ARHGEF3: variants seen among roughly 807,000 people sequenced by gnomAD.
ARHGEF3 encodes the protein 59.8 kDA protein.
ARHGEF3 carries 28 observed loss-of-function variants against 63.2 expected under a neutral mutation model. The observed-to-expected ratio is 0.44, with a 90% confidence interval of 0.33 to 0.61. ARHGEF3 has a LOEUF of 0.61. Among genes scored for constraint, ARHGEF3 ranks in the 20% least tolerant of loss-of-function variants. ARHGEF3 has a pLI of 0.03. For synonymous variants in ARHGEF3, 266 were observed against 254.2 expected (o/e 1.05, Z -0.44); for missense variants, 533 against 659.3 (o/e 0.81, Z 2.10).
intron 1 of ARHGEF3, among the ~76,000 whole-genome samples, chr3:56,793,670 TTTTTC>T (rs2037206934): frequency 1.3e-5 from 2 of 152,252 alleles, no homozygotes; most frequent in African/African-American, 4.8e-5. Flanking sequence ...TATTATTGCC[TTTTTC>T]ATTTCTATAA....
At chr3:56,832,899 C>T (rs573058945) in intron 4 of ARHGEF3, among the ~76,000 whole-genome samples, 1 of 152,306 alleles carries the variant, frequency 6.6e-6, no homozygotes, top group South Asian at 2.1e-4. Flanking sequence ...TTGTTTCTCA[C>T]TTATTTTGCT....
chr3:56,808,719 G>T (rs1482214096), intron 4 of ARHGEF3, among the ~76,000 whole-genome samples: 1 of 152,066 alleles, frequency 6.6e-6, no homozygotes, highest in East Asian at 1.9e-4. Context: ...GCTAGCCTCT[G>T]GTTCATAAGA....
At chr3:56,847,296 T>G (rs550334944) in intron 4 of ARHGEF3, among the ~76,000 whole-genome samples, 1 of 152,174 alleles carries the variant, frequency 6.6e-6, no homozygotes, top group African/African-American at 2.4e-5. Context: ...TTCAACCAAA[T>G]TGAGGCATAA....
chr3:57,044,604 T>C (rs1704366128), intron 1 of ARHGEF3, among the ~76,000 whole-genome samples: 1 of 152,206 alleles, frequency 6.6e-6, no homozygotes, highest in East Asian at 1.9e-4. Context: ...ATTACATGGA[T>C]AGACTGAGTA....
At chr3:57,076,219 C>A (rs1002518857) in intron 1 of ARHGEF3, among the ~76,000 whole-genome samples, 1 of 151,500 alleles carries the variant, frequency 6.6e-6, no homozygotes, top group South Asian at 2.1e-4. Flanking sequence ...GTTACAGGAG[C>A]CTGAACAATA....
chr3:56,981,425 G>A (rs1158351807), intron 2 of ARHGEF3, among the ~76,000 whole-genome samples: 1 of 152,194 alleles, frequency 6.6e-6, no homozygotes, highest in Non-Finnish European at 1.5e-5. Flanking sequence ...AGGCAGAGGT[G>A]TAGGTAGGTG....
At chr3:56,866,975 T>G (rs1016084964) in intron 4 of ARHGEF3, among the ~76,000 whole-genome samples, 1 of 152,254 alleles carries the variant, frequency 6.6e-6, no homozygotes, top group African/African-American at 2.4e-5. Flanking sequence ...ATTCCTTCTA[T>G]CCTCTTGTCT....
intron 1 of ARHGEF3, chr3:56,775,820 A>ACT (rs2036258891): frequency 3.4e-5 from 11 of 320,220 alleles, no homozygotes; most frequent in Admixed American, 6.5e-5. Flanking sequence ...ACACACACAC[A>ACT]CTGCCTCTTA....
intron 4 of ARHGEF3, among the ~76,000 whole-genome samples, chr3:56,869,743 C>A (rs909620473): frequency 1.1e-4 from 16 of 151,986 alleles, no homozygotes; most frequent in Admixed American, 9.8e-4. Flanking sequence ...GCATGGAAGC[C>A]CAGATGAAAC....
At chr3:56,925,197 C>T (rs535824916) in intron 3 of ARHGEF3, among the ~76,000 whole-genome samples, 1 of 152,330 alleles carries the variant, frequency 6.6e-6, no homozygotes, top group South Asian at 2.1e-4. Flanking sequence ...GACTGGGTAG[C>T]CACAGCCTAC....
intron 4 of ARHGEF3, among the ~76,000 whole-genome samples, chr3:56,843,263 A>AT (rs1194659193): frequency 1.3e-5 from 2 of 151,702 alleles, no homozygotes; most frequent in African/African-American, 4.8e-5. Context: ...CTCCATTTTT[A>AT]TTTTTTATTT....
intron 3 of ARHGEF3, among the ~76,000 whole-genome samples, chr3:56,949,590 T>G (rs1456359848): frequency 6.6e-6 from 1 of 152,002 alleles, no homozygotes; most frequent in Non-Finnish European, 1.5e-5. Context: ...GAAGGACCTC[T>G]TCAAGGAGAA....
At chr3:57,002,213 C>CA (rs2107029712) in intron 2 of ARHGEF3, among the ~76,000 whole-genome samples, 1 of 150,908 alleles carries the variant, frequency 6.6e-6, no homozygotes, top group South Asian at 2.1e-4. Context: ...GCCCGGCTGA[C>CA]ATAGTATTTT....
chr3:56,932,653 T>C (rs2042444916), intron 3 of ARHGEF3, among the ~76,000 whole-genome samples: 1 of 152,190 alleles, frequency 6.6e-6, no homozygotes. Context: ...AGATTCCTAG[T>C]CGTGGAATTA....
At chr3:56,929,523 G>C (rs1298768279) in intron 3 of ARHGEF3, among the ~76,000 whole-genome samples, 1 of 152,072 alleles carries the variant, frequency 6.6e-6, no homozygotes, top group Non-Finnish European at 1.5e-5. Context: ...TCAGGTCTTG[G>C]GTGGAGCCTG....
At chr3:56,849,891 C>A (rs890836867) in intron 4 of ARHGEF3, among the ~76,000 whole-genome samples, 1 of 152,114 alleles carries the variant, frequency 6.6e-6, no homozygotes, top group African/African-American at 2.4e-5. Flanking sequence ...ATACTCCTGC[C>A]GGGATATGAC....
intron 4 of ARHGEF3, among the ~76,000 whole-genome samples, chr3:56,827,523 G>C (rs551275208): frequency 6.6e-6 from 1 of 152,166 alleles, no homozygotes; most frequent in South Asian, 2.1e-4. Flanking sequence ...TGGCTGTTGC[G>C]AGGATTAAAT....
chr3:56,892,819 T>C (rs941159658), intron 3 of ARHGEF3, among the ~76,000 whole-genome samples: 2 of 152,236 alleles, frequency 1.3e-5, no homozygotes, highest in Non-Finnish European at 1.5e-5. Flanking sequence ...TCTGGTAATG[T>C]CTTATCAGCC....
In ARHGEF3 at chr3:56,737,323, G is replaced by A. The variant is rs760968805; in HGVS notation, c.903C>T (p.Ile301=). 1 of 1,612,846 alleles carries A rather than the reference G, an allele frequency of 6.2e-7. No homozygotes were observed. The highest frequency in any genetic ancestry group is 1.1e-5 in the South Asian group (1 of 91,004). ...INIIQGIVAE[I]NTKTGESECR... ...ATTCAGATTCACCAGTCTTGGTGTT[G>A]ATTTCTGCCACAATTCCCTGAATGA... is the stretch of plus-strand genomic sequence containing the variant. The change falls in exon 8 of 10, where the codon ATC becomes ATT. Residue 301 remains isoleucine, a synonymous_variant. Transcript: ENST00000296315.
Sources: allele counts gnomAD v4.1 joint callset (sites outside exome capture counted in the v4.1 genomes callset), GRCh38; gene constraint gnomAD v4.1.1; transcripts MANE v1.5; gene names NCBI Gene and HGNC (gene_info 2026-07-23, HGNC 2026-07-21).